The following PCSK2 variants were observed in gnomAD, a reference collection of about 807,000 sequenced individuals.
The protein encoded by PCSK2 is proprotein convertase subtilisin/kexin type 2.
A neutral mutation model predicts 69.7 loss-of-function variants in PCSK2; 14 were observed. That is an observed-to-expected ratio of 0.20 (90% confidence interval 0.13 to 0.31). The LOEUF is 0.31. PCSK2 is among the 10% of genes least tolerant of loss of function. The probability of loss-of-function intolerance (pLI) is 1.00; values close to 1 mark genes in which losing one functional copy is unlikely to be tolerated. For missense variants in PCSK2, 544 were observed against 842.5 expected (o/e 0.65, Z 4.39); for synonymous variants, 307 against 320.7 (o/e 0.96, Z 0.46).
At chr20:17,378,270 T>A (rs2030985433) in intron 5 of PCSK2, among the ~76,000 whole-genome samples, 1 of 151,470 alleles carries the variant, frequency 6.6e-6, no homozygotes, top group Admixed American at 6.6e-5. Flanking sequence ...ACTTGTTTTC[T>A]TGGGTCGATA....
chr20:17,254,260 A>C (rs535558015), intron 1 of PCSK2, among the ~76,000 whole-genome samples: 16 of 152,334 alleles, frequency 1.1e-4, no homozygotes, highest in African/African-American at 3.6e-4. Context: ...TATCTAAGAA[A>C]ACATTGCCTA....
rs867822210 is a variant in PCSK2, at chr20:17,348,051, G to A, written c.283-10276G>A. Reference sequence around the variant, plus strand: ...AGAAAGAAGAAAGAAAGAAAGAAAGGAAAGAAAGAAAGAAAGAAAGAAAGA... The same window carrying A: ...AGAAAGAAGAAAGAAAGAAAGAAAGAAAAGAAAGAAAGAAAGAAAGAAAGA... On this transcript the variant is annotated intron_variant, in intron 2 of 11. Coordinates refer to ENST00000262545, the MANE Select transcript of PCSK2 (RefSeq NM_002594.5). Among the ~76,000 whole-genome samples the A allele has an allele frequency of 8.2e-3, 40 of 4,902 alleles. 1 individual carries two copies. Among genetic ancestry groups the A allele is most frequent in the South Asian group, 0.081 (5 of 62 alleles). The allele number at this position is 4,902 out of a possible 152,430, so 3.2% of individuals were successfully genotyped here.
chr20:17,282,567 C>A (rs1988355008), intron 2 of PCSK2, among the ~76,000 whole-genome samples: 1 of 152,138 alleles, frequency 6.6e-6, no homozygotes, highest in South Asian at 2.1e-4. Flanking sequence ...CAACATAATA[C>A]CTCCTCCTCA....
At chr20:17,355,672 CACAGAG>C (rs1206194184) in intron 2 of PCSK2, among the ~76,000 whole-genome samples, 1 of 151,634 alleles carries the variant, frequency 6.6e-6, no homozygotes, top group Non-Finnish European at 1.5e-5. Flanking sequence ...CACACACACA[CACAGAG>C]AGAGAGCTAT....
At chr20:17,354,266 C>G (rs1372256682) in intron 2 of PCSK2, among the ~76,000 whole-genome samples, 1 of 152,100 alleles carries the variant, frequency 6.6e-6, no homozygotes, top group Non-Finnish European at 1.5e-5. Flanking sequence ...GCCAACGGTC[C>G]TATTTGAGGA....
At chr20:17,384,507 C>T (rs1012781466) in intron 5 of PCSK2, among the ~76,000 whole-genome samples, 2 of 151,390 alleles carry the variant, frequency 1.3e-5, no homozygotes, top group South Asian at 2.1e-4. Flanking sequence ...GAGGCTGAGG[C>T]AGGAGAATTG....
At chr20:17,329,217 G>A (rs769705561) in intron 2 of PCSK2, among the ~76,000 whole-genome samples, 2 of 152,092 alleles carry the variant, frequency 1.3e-5, no homozygotes, top group South Asian at 2.1e-4. Flanking sequence ...TTAATGACTC[G>A]AGGGTTTTTG....
chr20:17,398,959 C>T (rs777356437), intron 5 of PCSK2, among the ~76,000 whole-genome samples: 5 of 152,090 alleles, frequency 3.3e-5, no homozygotes, highest in African/African-American at 7.2e-5. Flanking sequence ...GCTAATGAGA[C>T]ACCCCAGCTA....
intron 8 of PCSK2, among the ~76,000 whole-genome samples, chr20:17,448,741 GGGT>G (rs2032746467): frequency 6.6e-6 from 1 of 152,256 alleles, no homozygotes; most frequent in Admixed American, 6.5e-5. Context: ...TTGAGAACCA[GGGT>G]GGTTAAGTAC....
At chr20:17,419,078 T>C (rs762789808) in intron 6 of PCSK2, among the ~76,000 whole-genome samples, 1 of 152,256 alleles carries the variant, frequency 6.6e-6, no homozygotes, top group Non-Finnish European at 1.5e-5. Context: ...CTGAGTTCAA[T>C]AGCAACACAT....
In PCSK2 at chr20:17,255,094, A is replaced by G. The variant is rs889560328; in HGVS notation, c.178-5146A>G. On this transcript the variant is annotated intron_variant, in intron 1 of 11. Transcript: ENST00000262545. ...TTCATTATAAATTTCTATGTACAAG[A>G]TATGTCTTCTGCAAATAGAGATAGT... Among the ~76,000 whole-genome samples, 3 of 152,294 alleles carry G rather than the reference A, an allele frequency of 2.0e-5. No homozygotes were observed. The East Asian group carries it at 5.8e-4, about 29-fold the overall frequency.
intron 10 of PCSK2, among the ~76,000 whole-genome samples, chr20:17,459,790 T>C (rs984854234): frequency 2.6e-5 from 4 of 152,196 alleles, no homozygotes; most frequent in African/African-American, 9.6e-5. Context: ...TCAATGCCTG[T>C]TCCCCGGGAA....
rs138761815 is a variant in PCSK2 at position 17,435,976 on chromosome 20, T to G, written c.710-732T>G. ...CCTGTGCCCCTGTGTCTTAGGATTG[T>G]GTGTCCCACACTATCCTGGACTGCA... On this transcript the variant is annotated intron_variant, in intron 7 of 11. Transcript: ENST00000262545. Among the ~76,000 whole-genome samples, 8 of 152,304 alleles carry G rather than the reference T, an allele frequency of 5.3e-5. No homozygotes were observed. In the East Asian group the frequency reaches 1.5e-3, roughly 29 times the overall value.
At chr20:17,458,006 C>A (rs138266710) in intron 10 of PCSK2, among the ~76,000 whole-genome samples, 4 of 152,298 alleles carry the variant, frequency 2.6e-5, no homozygotes, top group Non-Finnish European at 5.9e-5. Context: ...CTTGATTAGT[C>A]ACCATTCTTT....
At chr20:17,230,097 C>T (rs1431548977) in intron 1 of PCSK2, among the ~76,000 whole-genome samples, 1 of 152,188 alleles carries the variant, frequency 6.6e-6, no homozygotes, top group Non-Finnish European at 1.5e-5. Flanking sequence ...TTCCCAGACA[C>T]CGTCCTATCT....
intron 2 of PCSK2, among the ~76,000 whole-genome samples, chr20:17,284,063 G>T (rs1156711137): frequency 6.6e-6 from 1 of 152,156 alleles, no homozygotes; most frequent in African/African-American, 2.4e-5. Context: ...TGTGGGCATT[G>T]TTATATCAAC....
Position 17,318,067 on chromosome 20 carries a change from T to C in PCSK2, c.283-40260T>C, listed in dbSNP as rs139743221. ...CATCTCCAGCATTCATCCTGGGCTT[T>C]GGATGCTACTTAGTTGCACGACTGG... On this transcript the variant is annotated intron_variant, in intron 2 of 11. Coordinates refer to ENST00000262545, the MANE Select transcript of PCSK2 (RefSeq NM_002594.5). 5.9e-5 allele frequency among the ~76,000 whole-genome samples: 9 copies of C among 152,368 alleles called. No individual in the cohort carries two copies. The East Asian group carries it at 1.7e-3, about 29-fold the overall frequency.
intron 2 of PCSK2, among the ~76,000 whole-genome samples, chr20:17,333,415 T>G (rs1486213819): frequency 6.6e-6 from 1 of 152,182 alleles, no homozygotes; most frequent in African/African-American, 2.4e-5. Flanking sequence ...TCATGCTTCA[T>G]GCTCTATCCT....
intron 2 of PCSK2, among the ~76,000 whole-genome samples, chr20:17,326,082 C>T (rs1399493115): frequency 6.6e-6 from 1 of 152,218 alleles, no homozygotes; most frequent in Non-Finnish European, 1.5e-5. Flanking sequence ...ATGCCATTAG[C>T]CAACACAACT....
Sources: allele counts gnomAD v4.1 joint callset (sites outside exome capture counted in the v4.1 genomes callset), GRCh38; gene constraint gnomAD v4.1.1; transcripts MANE v1.5; gene names NCBI Gene and HGNC (gene_info 2026-07-23, HGNC 2026-07-21).